SEM1: variants seen among roughly 807,000 people sequenced by gnomAD.
The protein encoded by SEM1 is 26S proteasome complex subunit SEM1.
In SEM1, 3 loss-of-function variants were observed where a neutral mutation model predicts 12.7. The ratio of observed to expected loss-of-function variants is 0.24; its 90% CI spans 0.11 to 0.61. SEM1 has a LOEUF of 0.61. Among genes scored for constraint, SEM1 ranks in the 20% least tolerant of loss-of-function variants. SEM1 has a pLI of 0.88. For missense variants in SEM1, 59 were observed against 81.3 expected (o/e 0.73, Z 1.06); for synonymous variants, 30 against 27.8 (o/e 1.08, Z -0.25).
chr7:96,617,551 C>A lies in SEM1; in HGVS notation c.170+77247G>T, dbSNP rs78562989. ...TATTTCCTTTTCTTGCCTGATTGCTCTGGTGAGGACTTCCAGTACTGTGTT... is the reference window on the plus strand; with the variant it reads ...TATTTCCTTTTCTTGCCTGATTGCTATGGTGAGGACTTCCAGTACTGTGTT... On this transcript the variant is annotated intron_variant and NMD_transcript_variant, in intron 2 of 3. Transcript: ENST00000466986. Among the ~76,000 whole-genome samples the A allele has an allele frequency of 2.6e-5, 4 of 152,094 alleles. No individual in the cohort carries two copies. In the South Asian group the frequency reaches 8.3e-4, roughly 31 times the overall value.
At chr7:96,632,184 C>T (rs967917185) in intron 2 of SEM1, among the ~76,000 whole-genome samples, 1 of 152,130 alleles carries the variant, frequency 6.6e-6, no homozygotes, top group African/African-American at 2.4e-5. Context: ...TACCATTTGA[C>T]CCAGCAATCC....
At chr7:96,682,422 G>A (rs575679362) in intron 2 of SEM1, among the ~76,000 whole-genome samples, 120 of 152,062 alleles carry the variant, frequency 7.9e-4, no homozygotes, top group Non-Finnish European at 6.8e-4. Context: ...CCAATACTAC[G>A]TTGAATAGGA....
At chr7:96,660,995 G>A (rs776498380) in intron 2 of SEM1, among the ~76,000 whole-genome samples, 13 of 152,110 alleles carry the variant, frequency 8.5e-5, no homozygotes, top group Non-Finnish European at 1.8e-4. Context: ...AATACTAGCC[G>A]TAAACATTTA....
intron 2 of SEM1, among the ~76,000 whole-genome samples, chr7:96,586,802 C>T (rs1217425501): frequency 2.0e-5 from 3 of 152,030 alleles, no homozygotes; most frequent in Admixed American, 6.6e-5. Flanking sequence ...TTATTTTTTC[C>T]CTCTTTTTGA....
At chr7:96,587,230 A>G (rs1424232270) in intron 2 of SEM1, among the ~76,000 whole-genome samples, 1 of 152,216 alleles carries the variant, frequency 6.6e-6, no homozygotes, top group Non-Finnish European at 1.5e-5. Flanking sequence ...CTCCAAGATT[A>G]TAGTATTTGT....
At chr7:96,595,897 G>T (rs1171711187) in intron 2 of SEM1, among the ~76,000 whole-genome samples, 2 of 152,130 alleles carry the variant, frequency 1.3e-5, no homozygotes, top group Non-Finnish European at 2.9e-5. Flanking sequence ...CACCAAGAAG[G>T]TGCTTATGGC....
intron 3 of SEM1, among the ~76,000 whole-genome samples, chr7:96,502,239 A>G (rs62470044): frequency 6.6e-6 from 1 of 152,196 alleles, no homozygotes; most frequent in Admixed American, 6.6e-5. Context: ...GTAGAGCCAT[A>G]AATCAAATCC....
At chr7:96,509,697 G>T (rs1464244702) in intron 2 of SEM1, among the ~76,000 whole-genome samples, 1 of 152,108 alleles carries the variant, frequency 6.6e-6, no homozygotes, top group Admixed American at 6.6e-5. Flanking sequence ...ACATACAATG[G>T]AATATTATTC....
At chr7:96,671,674 C>T (rs376606689), downstream of SEM1, among the ~76,000 whole-genome samples, 68 of 152,118 alleles carry the variant, frequency 4.5e-4, 1 homozygote, top group African/African-American at 1.5e-3. Context: ...AACATATAAC[C>T]GATTGAAGAG....
intron 2 of SEM1, among the ~76,000 whole-genome samples, chr7:96,660,335 A>G (rs1788954043): frequency 6.6e-6 from 1 of 152,190 alleles, no homozygotes; most frequent in Non-Finnish European, 1.5e-5. Context: ...ACAAATGGAC[A>G]AATCCTTTCT....
chr7:96,497,539 C>T (rs1368909344), upstream of SEM1, among the ~76,000 whole-genome samples: 2 of 152,168 alleles, frequency 1.3e-5, no homozygotes, highest in African/African-American at 2.4e-5. Context: ...TTTGTTACTC[C>T]TTTTAATCTG....
In SEM1 at chr7:96,709,679, A is replaced by T. The variant is rs1302717703; in HGVS notation, c.76+9T>A. 10 of 1,612,918 alleles carry T rather than the reference A, an allele frequency of 6.2e-6. No individual in the cohort carries two copies. The highest frequency in any genetic ancestry group is 8.5e-6 in the Non-Finnish European group (10 of 1,179,388). On this transcript the variant is annotated intron_variant, in intron 1 of 2. Coordinates refer to ENST00000248566, the MANE Select transcript of SEM1 (RefSeq NM_006304.2). ...TCGCGCGACACAGAAACCGGGGCCC[A>T]GCGGTTACCTTCGGCAGGGAACTCT...
chr7:96,498,205 C>A (rs1027197742), upstream of SEM1, among the ~76,000 whole-genome samples: 1 of 152,260 alleles, frequency 6.6e-6, no homozygotes, highest in South Asian at 2.1e-4. Context: ...GGCCCGCCTT[C>A]TAGGCTCATG....
chr7:96,567,875 T>C (rs59484265), intron 2 of SEM1, among the ~76,000 whole-genome samples: 5,725 of 151,462 alleles, frequency 0.038, 346 homozygotes, highest in African/African-American at 0.13. Context: ...TTGGCTAATA[T>C]ATTATTTTGG....
intron 2 of SEM1, among the ~76,000 whole-genome samples, chr7:96,676,388 C>G (rs890536915): frequency 6.6e-6 from 1 of 152,088 alleles, no homozygotes; most frequent in African/African-American, 2.4e-5. Context: ...GTTCCTGCAA[C>G]AATTCATCCT....
downstream of SEM1, chr7:96,672,694 T>G (rs541637244): frequency 1.6e-4 from 24 of 152,334 alleles, no homozygotes; most frequent in African/African-American, 5.8e-4. Context: ...AAAGGAAATA[T>G]AACCTCATTA....
intron 2 of SEM1, among the ~76,000 whole-genome samples, chr7:96,522,706 C>T (rs1290382125): frequency 2.2e-5 from 3 of 137,528 alleles, no homozygotes; most frequent in East Asian, 2.2e-4. Flanking sequence ...GGAGAAACCC[C>T]GTCTCTACTA....
chr7:96,645,859 A>C (rs1245376374), intron 2 of SEM1: 1 of 398,168 alleles, frequency 2.5e-6, no homozygotes, highest in Non-Finnish European at 4.4e-6. Context: ...GAAGGCCTGG[A>C]CTCTGGGAAT....
At chr7:96,524,920 T>G (rs959279590) in intron 2 of SEM1, among the ~76,000 whole-genome samples, 5 of 152,152 alleles carry the variant, frequency 3.3e-5, no homozygotes, top group African/African-American at 1.2e-4. Flanking sequence ...ATATCAGTTT[T>G]TCCATATCCA....
Sources: gnomAD v4.1 joint callset for allele counts (sites outside exome capture counted in the v4.1 genomes callset) on GRCh38, gnomAD v4.1.1 for gene constraint, MANE v1.5 for transcripts, NCBI Gene and HGNC (gene_info 2026-07-23, HGNC 2026-07-21) for gene names.